WWOX: variants seen among roughly 807,000 people sequenced by gnomAD.
The protein encoded by WWOX is WW domain-containing oxidoreductase.
WWOX carries 69 observed loss-of-function variants against 46.2 expected under a neutral mutation model. The ratio of observed to expected loss-of-function variants is 1.49; its 90% CI spans 1.23 to 1.82. WWOX has a LOEUF of 1.82. Among genes scored for constraint, WWOX ranks in the 40% most tolerant of loss-of-function variants. The probability of loss-of-function intolerance (pLI) is 0.00; values close to 1 mark genes in which losing one functional copy is unlikely to be tolerated. For missense variants in WWOX, 919 were observed against 542.6 expected (o/e 1.69, Z -6.89); for synonymous variants, 359 against 202.6 (o/e 1.77, Z -6.56).
At chr16:78,353,986 T>C (rs951281632) in intron 5 of WWOX, among the ~76,000 whole-genome samples, 1 of 152,238 alleles carries the variant, frequency 6.6e-6, no homozygotes, top group Non-Finnish European at 1.5e-5. Flanking sequence ...TTCCTCATGC[T>C]TTCTCTCTTT....
At chr16:78,422,339 C>G (rs1276008448) in intron 6 of WWOX, among the ~76,000 whole-genome samples, 1 of 150,898 alleles carries the variant, frequency 6.6e-6, no homozygotes, top group South Asian at 2.1e-4. Flanking sequence ...ACGTCTTAGG[C>G]TGCGATGTGA....
At chr16:78,159,602 A>C (rs137937703) in intron 4 of WWOX, among the ~76,000 whole-genome samples, 25 of 146,558 alleles carry the variant, frequency 1.7e-4, no homozygotes, top group African/African-American at 6.4e-4. Flanking sequence ...CTTTTCATAC[A>C]CTTGGCTATT....
intron 8 of WWOX, among the ~76,000 whole-genome samples, chr16:79,082,102 T>A (rs2048771169): frequency 6.6e-6 from 1 of 152,142 alleles, no homozygotes; most frequent in Non-Finnish European, 1.5e-5. Flanking sequence ...ATCAACTACA[T>A]CCTTGAGCCT....
chr16:78,819,602 A>G (rs1424490310), intron 8 of WWOX, among the ~76,000 whole-genome samples: 1 of 139,246 alleles, frequency 7.2e-6, no homozygotes, highest in Non-Finnish European at 1.7e-5. Context: ...CTGTTTTGCA[A>G]GGAGCAGCAC....
rs187422659 is a variant in WWOX at position 78,773,439 on chromosome 16, C to G, written c.1056+340687C>G. On this transcript the variant is annotated intron_variant, in intron 8 of 8. Transcript: ENST00000566780. ...CAGAGCGCAGACATTTGGCTCCCCTCGGGACATTCCTCCCTCATTTAAAAC... is the reference window on the plus strand; with the variant it reads ...CAGAGCGCAGACATTTGGCTCCCCTGGGGACATTCCTCCCTCATTTAAAAC... Among the ~76,000 whole-genome samples, 3 of 152,298 alleles carry G rather than the reference C, an allele frequency of 2.0e-5. No homozygotes were observed. The East Asian group carries it at 5.8e-4, about 29-fold the overall frequency.
At chr16:78,846,790 G>T (rs1233953979) in intron 8 of WWOX, among the ~76,000 whole-genome samples, 2 of 152,098 alleles carry the variant, frequency 1.3e-5, no homozygotes, top group Non-Finnish European at 2.9e-5. Flanking sequence ...TGGGGATCTT[G>T]CCTGCAATGA....
At chr16:78,731,109 GT>G (rs1313731661) in intron 8 of WWOX, among the ~76,000 whole-genome samples, 1 of 152,096 alleles carries the variant, frequency 6.6e-6, no homozygotes, top group African/African-American at 2.4e-5. Context: ...GCTTGCTTTT[GT>G]TTTTTGAGTG....
At chr16:79,106,974 C>T (rs952645844) in intron 8 of WWOX, among the ~76,000 whole-genome samples, 19 of 151,796 alleles carry the variant, frequency 1.3e-4, no homozygotes, top group African/African-American at 4.1e-4. Flanking sequence ...CCATGTCCCA[C>T]GAATTTTTGT....
intron 8 of WWOX, among the ~76,000 whole-genome samples, chr16:78,698,106 A>C (rs1297914777): frequency 1.3e-5 from 2 of 152,198 alleles, no homozygotes; most frequent in East Asian, 1.9e-4. Flanking sequence ...TATATTTTCA[A>C]CTCTCTCATT....
intron 8 of WWOX, among the ~76,000 whole-genome samples, chr16:78,452,455 A>G (rs2083714080): frequency 6.6e-6 from 1 of 150,440 alleles, no homozygotes. Flanking sequence ...GACCTAATAA[A>G]TACTTTTTTC....
chr16:79,008,812 G>A (rs778639055), intron 8 of WWOX, among the ~76,000 whole-genome samples: 28 of 152,254 alleles, frequency 1.8e-4, no homozygotes, highest in African/African-American at 2.6e-4. Context: ...CCCCACAAAC[G>A]TGCACCTGCA....
At chr16:78,557,348 C>T (rs920126195) in intron 8 of WWOX, among the ~76,000 whole-genome samples, 2 of 152,164 alleles carry the variant, frequency 1.3e-5, no homozygotes, top group African/African-American at 4.8e-5. Flanking sequence ...TATTATTTCT[C>T]CGCCCCCCGC....
At chr16:78,976,919 G>C (rs974824267) in intron 8 of WWOX, among the ~76,000 whole-genome samples, 1 of 152,090 alleles carries the variant, frequency 6.6e-6, no homozygotes, top group South Asian at 2.1e-4. Flanking sequence ...CTTTTTCTCA[G>C]GGCCATCAGA....
chr16:78,592,670 A>G (rs1225282010), intron 8 of WWOX, among the ~76,000 whole-genome samples: 1 of 152,158 alleles, frequency 6.6e-6, no homozygotes, highest in Admixed American at 6.5e-5. Context: ...AGGTGTGTAA[A>G]TTAGGAATTG....
intron 8 of WWOX, among the ~76,000 whole-genome samples, chr16:78,448,252 G>A (rs941499322): frequency 6.6e-5 from 10 of 152,144 alleles, no homozygotes; most frequent in African/African-American, 1.7e-4. Context: ...AATGCATAAC[G>A]GGGGAGTAAA....
At chr16:79,048,424 C>G (rs1430311542) in intron 8 of WWOX, among the ~76,000 whole-genome samples, 2 of 151,990 alleles carry the variant, frequency 1.3e-5, no homozygotes, top group Non-Finnish European at 2.9e-5. Context: ...TTACCGTCCC[C>G]CGTGATGTAA....
chr16:79,142,405 A>G (rs1049833620), intron 8 of WWOX, among the ~76,000 whole-genome samples: 1 of 152,198 alleles, frequency 6.6e-6, no homozygotes, highest in Non-Finnish European at 1.5e-5. Context: ...TCATGTTGAT[A>G]GCTTGATTTC....
At chr16:79,091,582 C>G (rs2048961011) in intron 8 of WWOX, among the ~76,000 whole-genome samples, 1 of 152,210 alleles carries the variant, frequency 6.6e-6, no homozygotes, top group East Asian at 1.9e-4. Context: ...CACCCCAGAA[C>G]AATCTGGGGG....
At chr16:79,120,263 A>G (rs1021111371) in intron 8 of WWOX, among the ~76,000 whole-genome samples, 2 of 152,166 alleles carry the variant, frequency 1.3e-5, no homozygotes, top group African/African-American at 2.4e-5. Context: ...AGGAACAGAC[A>G]TTCAGGTACA....
Sources: allele counts gnomAD v4.1 joint callset (sites outside exome capture counted in the v4.1 genomes callset), GRCh38; gene constraint gnomAD v4.1.1; transcripts MANE v1.5; gene names NCBI Gene and HGNC (gene_info 2026-07-23, HGNC 2026-07-21).